Variants in COL22A1 observed in about 807,000 individuals in gnomAD.
COL22A1 encodes the protein collagen alpha-1(XXII) chain.
COL22A1 carries 221 observed loss-of-function variants against 248.9 expected under a neutral mutation model. The ratio of observed to expected loss-of-function variants is 0.89; its 90% CI spans 0.80 to 0.99. The LOEUF (loss-of-function observed/expected upper bound fraction) is 0.99. Among genes scored for constraint, COL22A1 ranks in the 50% least tolerant of loss-of-function variants. COL22A1 has a pLI of 0.00. For synonymous variants in COL22A1, 891 were observed against 793.4 expected (o/e 1.12, Z -2.07); for missense variants, 2,240 against 2,179.0 (o/e 1.03, Z -0.56).
At chr8:138,700,709 G>C (rs1374120574) in intron 31 of COL22A1, among the ~76,000 whole-genome samples, 2 of 152,240 alleles carry the variant, frequency 1.3e-5, no homozygotes, top group Non-Finnish European at 2.9e-5. Flanking sequence ...GCTAGGTCGG[G>C]CGCGGTGGCT....
Position 138,715,568 on chromosome 8 carries a change from TTAAAAAA to T in COL22A1, c.2517+107_2517+113del, listed in dbSNP as rs1333881087. On this transcript the variant is annotated intron_variant, in intron 30 of 64. Transcript: ENST00000303045. Reference sequence around the variant, plus strand: ...TGGATGACAGAGAGAGACTCTCATTTTAAAAAAAAAAAAAAAAAAAAAAAGATAGAGT... The same window carrying T: ...TGGATGACAGAGAGAGACTCTCATTTAAAAAAAAAAAAAAAAAGATAGAGT... The T allele has an allele frequency of 4.4e-3, 1,909 of 431,742 alleles. 6 individuals carry two copies. Among genetic ancestry groups the T allele is most frequent in the Non-Finnish European group, 5.4e-3 (1,404 of 259,550 alleles). 26.7% of individuals were successfully genotyped at this position (431,742 alleles called of 1,614,324 possible).
In COL22A1 at chr8:138,615,986, C is replaced by G. The variant is rs759951106; in HGVS notation, c.3924+15G>C. On this transcript the variant is annotated intron_variant, in intron 55 of 64. Transcript: ENST00000303045. ...CCAGCCCCAGCCCAGCCAGGTCCCA[C>G]AGGACCCCACTTACATCTTTTCCTG... 8 of 1,606,702 alleles carry G rather than the reference C, an allele frequency of 5.0e-6. No homozygotes were observed. The East Asian group carries it at 1.8e-4, about 36-fold the overall frequency.
intron 28 of COL22A1, 114 bp downstream of exon 28, chr8:138,716,711 G>C: frequency 1.3e-6 from 1 of 767,974 alleles, no homozygotes; most frequent in Non-Finnish European, 2.2e-6. Flanking sequence ...CATATAGTGA[G>C]CTCCCAAAAA....
intron 16 of COL22A1, among the ~76,000 whole-genome samples, chr8:138,768,556 T>A (rs896758124): frequency 1.3e-5 from 2 of 152,208 alleles, no homozygotes; most frequent in Non-Finnish European, 2.9e-5. Context: ...ATATGTAAAG[T>A]ACCCTTCATT....
intron 3 of COL22A1, among the ~76,000 whole-genome samples, chr8:138,876,530 T>C (rs1264982853): frequency 6.6e-6 from 1 of 152,184 alleles, no homozygotes; most frequent in Non-Finnish European, 1.5e-5. Context: ...CTGATAAGTA[T>C]CTGTTGAATA....
intron 18 of COL22A1, among the ~76,000 whole-genome samples, chr8:138,758,268 C>T (rs935369098): frequency 2.6e-5 from 4 of 152,226 alleles, no homozygotes; most frequent in African/African-American, 9.6e-5. Flanking sequence ...TCCCCACTGA[C>T]AGCTTGTCTG....
chr8:138,716,759 C>T, intron 28 of COL22A1, 66 bp downstream of exon 28: 1 of 1,167,584 alleles, frequency 8.6e-7, no homozygotes, highest in Non-Finnish European at 1.3e-6. Flanking sequence ...ATAATTTATA[C>T]AAGATGTAGC....
Position 138,763,290 on chromosome 8 carries a change from G to C in COL22A1, c.1804-824C>G, listed in dbSNP as rs1833647087. 2.6e-5 allele frequency among the ~76,000 whole-genome samples: 4 copies of C among 152,202 alleles called. No homozygotes were observed. The South Asian group carries it at 8.3e-4, about 32-fold the overall frequency. ...TAGTCCCAACTACTTGGGAGGCTGAGGCACGAGAATGGCTTGTACCCAGGA... is the reference window on the plus strand; with the variant it reads ...TAGTCCCAACTACTTGGGAGGCTGACGCACGAGAATGGCTTGTACCCAGGA... On this transcript the variant is annotated intron_variant, in intron 16 of 64. Coordinates refer to ENST00000303045, the MANE Select transcript of COL22A1 (RefSeq NM_152888.3).
chr8:138,885,806 G>A (rs1037588824), intron 1 of COL22A1, among the ~76,000 whole-genome samples: 1 of 152,036 alleles, frequency 6.6e-6, no homozygotes, highest in African/African-American at 2.4e-5. Context: ...CAGTTGATCC[G>A]CCTGCCTCTG....
intron 24 of COL22A1, 36 bp downstream of exon 24, chr8:138,725,351 C>G (rs765719352): frequency 1.4e-5 from 22 of 1,609,944 alleles, no homozygotes; most frequent in Non-Finnish European, 1.9e-5. Flanking sequence ...AAACCACCAT[C>G]TAAGAGCCCC....
chr8:138,708,084 A>G lies in COL22A1; in HGVS notation c.2518-4737T>C, dbSNP rs546525323. ...CCTAGGAATCCAACTTACAAGGGAC[A>G]TGAAGGACCTCTTCAAGGAGAACTA... On this transcript the variant is annotated intron_variant, in intron 30 of 64. Coordinates refer to ENST00000303045, the MANE Select transcript of COL22A1 (RefSeq NM_152888.3). Among the ~76,000 whole-genome samples, 1,467 of 152,234 alleles carry G rather than the reference A, an allele frequency of 9.6e-3. 22 individuals carry two copies. Among genetic ancestry groups the G allele is most frequent in the African/African-American group, 0.03 (1,265 of 41,536 alleles).
At chr8:138,670,527 T>C (rs764439223) in intron 41 of COL22A1, among the ~76,000 whole-genome samples, 3 of 152,126 alleles carry the variant, frequency 2.0e-5, no homozygotes, top group Admixed American at 6.5e-5. Flanking sequence ...AGCCTAATTC[T>C]TGGGACAGCG....
chr8:138,626,566 G>C (rs781199086), intron 50 of COL22A1, among the ~76,000 whole-genome samples: 1 of 152,082 alleles, frequency 6.6e-6, no homozygotes, highest in Non-Finnish European at 1.5e-5. Flanking sequence ...ACAAGACCTG[G>C]GTCCAGATCC....
intron 8 of COL22A1, among the ~76,000 whole-genome samples, chr8:138,812,131 CCA>C (rs1324548708): frequency 6.6e-6 from 1 of 152,210 alleles, no homozygotes; most frequent in Non-Finnish European, 1.5e-5. Context: ...GGTGAACCGC[CCA>C]CAGTCTCACA....
chr8:138,756,981 T>C (rs1833058325), intron 18 of COL22A1, among the ~76,000 whole-genome samples: 1 of 152,218 alleles, frequency 6.6e-6, no homozygotes, highest in Admixed American at 6.5e-5. Flanking sequence ...AATCGAGTCC[T>C]GCCTCAGAAA....
At chr8:138,865,023 G>C (rs1474460906) in intron 3 of COL22A1, among the ~76,000 whole-genome samples, 1 of 152,174 alleles carries the variant, frequency 6.6e-6, no homozygotes, top group East Asian at 1.9e-4. Context: ...CACATCTGTT[G>C]TTAGATTGAT....
At chr8:138,637,629 T>A (rs1020820361) in intron 47 of COL22A1, among the ~76,000 whole-genome samples, 1 of 152,224 alleles carries the variant, frequency 6.6e-6, no homozygotes, top group Non-Finnish European at 1.5e-5. Flanking sequence ...CTGTGTGTCA[T>A]TGGACAAGAT....
chr8:138,691,629 GTGTA>G (rs1389857429), intron 35 of COL22A1, among the ~76,000 whole-genome samples: 1 of 151,912 alleles, frequency 6.6e-6, no homozygotes, highest in East Asian at 1.9e-4. Context: ...GTTTGTGGAG[GTGTA>G]TGTGTGCACG....
chr8:138,837,383 CA>C (rs2079001169), intron 4 of COL22A1, among the ~76,000 whole-genome samples: 2 of 152,212 alleles, frequency 1.3e-5, no homozygotes, highest in Admixed American at 1.3e-4. Context: ...CATTGGGAGA[CA>C]TTCACCAAAT....
Sources: allele counts gnomAD v4.1 joint callset (sites outside exome capture counted in the v4.1 genomes callset), GRCh38; gene constraint gnomAD v4.1.1; transcripts MANE v1.5; gene names NCBI Gene and HGNC (gene_info 2026-07-23, HGNC 2026-07-21).